Variants in DNAAF9 observed in about 807,000 individuals in gnomAD.
The protein encoded by DNAAF9 is shulin.
DNAAF9 carries 90 observed loss-of-function variants against 167.0 expected under a neutral mutation model. The observed-to-expected ratio is 0.54, with a 90% CI of 0.45 to 0.64. The LOEUF (loss-of-function observed/expected upper bound fraction) is 0.64, where lower values mean the gene tolerates loss of function less well. DNAAF9 is among the 30% of genes least tolerant of loss of function. The pLI, the probability that DNAAF9 is intolerant of heterozygous loss-of-function variation, is 0.00. For missense variants in DNAAF9, 1,315 were observed against 1,442.2 expected (o/e 0.91, Z 1.43); for synonymous variants, 491 against 508.8 (o/e 0.96, Z 0.47).
Position 3,306,310 on chromosome 20 carries a change from C to T in DNAAF9, c.1679-1767G>A, listed in dbSNP as rs181217317. Among the ~76,000 whole-genome samples the T allele has an allele frequency of 3.9e-5, 6 of 152,266 alleles. No individual in the cohort carries two copies. In the East Asian group the frequency reaches 5.8e-4, roughly 15 times the overall value. ...CTGAGCCTTCACAGTCATTGGTATT[C>T]GCATTTTCCCCTATTGCTCAGAAAT... On this transcript the variant is annotated intron_variant, in intron 20 of 36. Transcript: ENST00000252032.
intron 16 of DNAAF9, among the ~76,000 whole-genome samples, chr20:3,319,794 A>G (rs778744436): frequency 6.6e-5 from 10 of 152,244 alleles, no homozygotes; most frequent in Non-Finnish European, 1.3e-4. Context: ...TTATGATAAT[A>G]GGATATACAA....
intron 10 of DNAAF9, among the ~76,000 whole-genome samples, chr20:3,336,675 G>A (rs1462976416): frequency 7.3e-5 from 11 of 150,768 alleles, no homozygotes; most frequent in Non-Finnish European, 1.3e-4. Flanking sequence ...TCAGCCTCCC[G>A]AGCAGCTGGG....
chr20:3,294,857 G>A (rs564965829), intron 23 of DNAAF9, among the ~76,000 whole-genome samples: 3 of 152,030 alleles, frequency 2.0e-5, no homozygotes, highest in Non-Finnish European at 2.9e-5. Flanking sequence ...TCTGATTCTC[G>A]GTGATTTCAC....
At chr20:3,402,372 G>GTTTT (rs35729715) in intron 1 of DNAAF9, among the ~76,000 whole-genome samples, 1 of 151,106 alleles carries the variant, frequency 6.6e-6, no homozygotes, top group African/African-American at 2.4e-5. Flanking sequence ...ACCTCACATA[G>GTTTT]TTTTTTTTTG....
At chr20:3,280,060 G>A (rs1017058887) in intron 28 of DNAAF9, among the ~76,000 whole-genome samples, 2 of 152,150 alleles carry the variant, frequency 1.3e-5, no homozygotes, top group Admixed American at 6.5e-5. Flanking sequence ...TGAATACCAG[G>A]TTGGGCTGTG....
chr20:3,307,904 T>C (rs2069328968), intron 20 of DNAAF9, among the ~76,000 whole-genome samples: 2 of 149,380 alleles, frequency 1.3e-5, no homozygotes, highest in African/African-American at 5.0e-5. Context: ...AAATTTATGA[T>C]GCAATGGCTA....
rs186176450 is a variant in DNAAF9, at chr20:3,351,639, A to C, written c.691-3016T>G. 2.4e-3 allele frequency among the ~76,000 whole-genome samples: 372 copies of C among 152,272 alleles called. 2 individuals carry two copies. Among genetic ancestry groups the C allele is most frequent in the African/African-American group, 8.5e-3 (354 of 41,546 alleles). ...CACATGCATACAGGGCAGGCAAACA[A>C]AACTAACCTATGTTTATAAAATCAC... On this transcript the variant is annotated intron_variant, in intron 7 of 36. Coordinates refer to ENST00000252032, the MANE Select transcript of DNAAF9 (RefSeq NM_001009984.3).
At chr20:3,264,989 C>A (rs1222224104) in intron 30 of DNAAF9, among the ~76,000 whole-genome samples, 1 of 152,160 alleles carries the variant, frequency 6.6e-6, no homozygotes, top group African/African-American at 2.4e-5. Flanking sequence ...TATTTTACCC[C>A]TAAATACTTC....
intron 20 of DNAAF9, chr20:3,307,242 G>T: frequency 1.5e-6 from 1 of 683,130 alleles, no homozygotes; most frequent in Non-Finnish European, 1.8e-6. Context: ...TGCTGGAAGA[G>T]CTCATTATGG....
intron 1 of DNAAF9, among the ~76,000 whole-genome samples, chr20:3,390,589 T>C (rs2083813525): frequency 1.3e-5 from 2 of 152,148 alleles, no homozygotes; most frequent in African/African-American, 2.4e-5. Flanking sequence ...GTTCTCGAAC[T>C]CCTGACCTCA....
chr20:3,250,001 A>G lies in DNAAF9; in HGVS notation c.*2571T>C, dbSNP rs1295587011. On this transcript the variant is annotated 3_prime_UTR_variant, in exon 37 of 37. Transcript: ENST00000252032. ...AAACAGAAAAATCCCATGTAAAAACATAAAATAACCCGTAACTTCAGCGAC... is the reference window on the plus strand; with the variant it reads ...AAACAGAAAAATCCCATGTAAAAACGTAAAATAACCCGTAACTTCAGCGAC... The G allele has an allele frequency of 6.6e-6, 1 of 152,224 alleles. No individual in the cohort carries two copies. Among genetic ancestry groups the G allele is most frequent in the Non-Finnish European group, 1.5e-5 (1 of 68,048 alleles). The allele number at this position is 152,224 out of a possible 1,614,324, so 9.4% of individuals were successfully genotyped here. A position where few individuals can be genotyped will look rare whatever the true frequency, so the allele number is the denominator to read the frequency against.
chr20:3,371,604 A>G (rs2083511637), intron 6 of DNAAF9, among the ~76,000 whole-genome samples: 2 of 152,020 alleles, frequency 1.3e-5, no homozygotes, highest in South Asian at 2.1e-4. Flanking sequence ...CGGCCTCCCA[A>G]AGTGCTGGGA....
intron 1 of DNAAF9, among the ~76,000 whole-genome samples, chr20:3,382,788 T>C (rs930587814): frequency 1.3e-5 from 2 of 152,178 alleles, no homozygotes; most frequent in African/African-American, 4.8e-5. Flanking sequence ...CCCTCTCTCA[T>C]GGTCAATGGT....
At chr20:3,357,735 G>A (rs187042919) in intron 7 of DNAAF9, among the ~76,000 whole-genome samples, 97 of 151,388 alleles carry the variant, frequency 6.4e-4, no homozygotes, top group African/African-American at 2.2e-3. Context: ...GTTGTTGCCC[G>A]GGCTGGAGTG....
intron 10 of DNAAF9, 71 bp downstream of exon 10, chr20:3,340,433 T>TCCGGGGGGGGGGCCCCCCCCCCCC: frequency 4.5e-6 from 1 of 221,210 alleles, no homozygotes; most frequent in Admixed American, 5.6e-5. Context: ...TTTGTCTAGC[T>TCCGGGGGGGGGGCCCCCCCCCCCC]CCCCCCACCC....
intron 2 of DNAAF9, among the ~76,000 whole-genome samples, chr20:3,382,031 G>T (rs777643366): frequency 3.3e-5 from 5 of 152,160 alleles, no homozygotes; most frequent in African/African-American, 1.2e-4. Context: ...ACAGTCTAGA[G>T]GAGCTGAATT....
chr20:3,283,825 C>T lies in DNAAF9; in HGVS notation c.2487-2059G>A, dbSNP rs553217444. Reference sequence around the variant, plus strand: ...CATTTCTTAGGGGAGCAAAGGACAACGGAAAAGGATTCACAAGTCATGCTT... The same window carrying T: ...CATTTCTTAGGGGAGCAAAGGACAATGGAAAAGGATTCACAAGTCATGCTT... On this transcript the variant is annotated intron_variant, in intron 27 of 36. Transcript: ENST00000252032. 8.5e-5 allele frequency among the ~76,000 whole-genome samples: 13 copies of T among 152,258 alleles called. No homozygotes were observed. In the South Asian group the frequency reaches 2.3e-3, roughly 27 times the overall value.
intron 12 of DNAAF9, 32 bp downstream of exon 12, chr20:3,330,614 T>A: frequency 7.0e-7 from 1 of 1,435,790 alleles, no homozygotes; most frequent in Non-Finnish European, 9.8e-7. Flanking sequence ...AACTCAACTT[T>A]GAGAAAGAAA....
At chr20:3,395,112 C>T (rs188886565) in intron 1 of DNAAF9, among the ~76,000 whole-genome samples, 2 of 148,376 alleles carry the variant, frequency 1.3e-5, no homozygotes, top group African/African-American at 2.6e-5. Flanking sequence ...GGACTACAGG[C>T]GTGCGCCACC....
Sources: allele counts gnomAD v4.1 joint callset (sites outside exome capture counted in the v4.1 genomes callset), GRCh38; gene constraint gnomAD v4.1.1; transcripts MANE v1.5; gene names NCBI Gene and HGNC (gene_info 2026-07-23, HGNC 2026-07-21).